CELF4: variants seen among roughly 807,000 people sequenced by gnomAD.
CELF4 encodes the protein CUGBP Elav-like family member 4.
A neutral mutation model predicts 59.9 loss-of-function variants in CELF4; 18 were observed. That is an observed-to-expected ratio of 0.30 (90% confidence interval 0.21 to 0.45). The LOEUF (loss-of-function observed/expected upper bound fraction) is 0.45, where lower values mean the gene tolerates loss of function less well. CELF4 is among the 20% of genes least tolerant of loss of function. The probability of loss-of-function intolerance (pLI) is 1.00; values close to 1 mark genes in which losing one functional copy is unlikely to be tolerated. For missense variants in CELF4, 456 were observed against 689.0 expected (o/e 0.66, Z 3.79); for synonymous variants, 261 against 267.1 (o/e 0.98, Z 0.22).
chr18:37,393,634 G>A (rs897670734), intron 2 of CELF4, among the ~76,000 whole-genome samples: 3 of 152,186 alleles, frequency 2.0e-5, no homozygotes, highest in African/African-American at 7.2e-5. Flanking sequence ...GGGGAGAGGA[G>A]GTGTGGGCTA....
In CELF4 at chr18:37,326,237, A is replaced by G. The variant is rs137955306; in HGVS notation, c.370-4356T>C. ...GGGAGAGCAGAGGGGTCAGGGGAAGAGCCAGGAGAGGAGGGAAGAGCCAGG... is the reference window on the plus strand; with the variant it reads ...GGGAGAGCAGAGGGGTCAGGGGAAGGGCCAGGAGAGGAGGGAAGAGCCAGG... On this transcript the variant is annotated intron_variant, in intron 2 of 12. Transcript: ENST00000420428. Among the ~76,000 whole-genome samples the G allele has an allele frequency of 3.8e-3, 584 of 152,314 alleles. 2 individuals carry two copies. Among genetic ancestry groups the G allele is most frequent in the South Asian group, 0.031 (151 of 4,828 alleles).
At chr18:37,493,365 G>A (rs904936514) in intron 1 of CELF4, among the ~76,000 whole-genome samples, 1 of 152,162 alleles carries the variant, frequency 6.6e-6, no homozygotes, top group Non-Finnish European at 1.5e-5. Context: ...AATCATACAC[G>A]TCTTTGCCTT....
intron 12 of CELF4, among the ~76,000 whole-genome samples, chr18:37,252,253 G>A (rs2065944158): frequency 2.6e-5 from 4 of 152,060 alleles, no homozygotes; most frequent in Admixed American, 2.6e-4. Flanking sequence ...CCAAAAGCCT[G>A]GGACTCATCC....
At chr18:37,318,388 C>T (rs117978231) in intron 3 of CELF4, among the ~76,000 whole-genome samples, 7,244 of 152,020 alleles carry the variant, frequency 0.048, 249 homozygotes, top group Non-Finnish European at 0.076. Flanking sequence ...CACCCCTCTC[C>T]CATTCCTTCT....
intron 1 of CELF4, among the ~76,000 whole-genome samples, chr18:37,530,639 C>T (rs2099968594): frequency 6.6e-6 from 1 of 152,090 alleles, no homozygotes; most frequent in African/African-American, 2.4e-5. Context: ...GTAGGGGTCA[C>T]ATTTGCTTTC....
At chr18:37,264,590 C>T in intron 10 of CELF4, 84 bp downstream of exon 10, 2 of 1,193,442 alleles carry the variant, frequency 1.7e-6, no homozygotes, top group East Asian at 2.6e-5. Context: ...TTCCAACGCA[C>T]ACCCCAGCCC....
rs1053681164 is a variant in CELF4, at chr18:37,379,442, A to G, written c.370-57561T>C. Among the ~76,000 whole-genome samples the G allele has an allele frequency of 2.4e-5, 3 of 127,082 alleles. No individual in the cohort carries two copies. The East Asian group carries it at 7.8e-4, about 33-fold the overall frequency. The allele number at this position is 127,082 out of a possible 152,430, so 83.4% of individuals were successfully genotyped here. A position where few individuals can be genotyped will look rare whatever the true frequency, so the allele number is the denominator to read the frequency against. ...CCTTTTGTAGGCTGGAGTTTACTGC[A>G]GTGTCTTTAAATTTAATCACCTTCA... On this transcript the variant is annotated intron_variant, in intron 2 of 12. Coordinates refer to ENST00000420428, the MANE Select transcript of CELF4 (RefSeq NM_020180.4).
At chr18:37,512,787 A>G (rs570842350) in intron 1 of CELF4, among the ~76,000 whole-genome samples, 1 of 146,150 alleles carries the variant, frequency 6.8e-6, no homozygotes, top group Non-Finnish European at 1.5e-5. Flanking sequence ...GTCCTTCTAT[A>G]CTTTCTCCTC....
intron 3 of CELF4, among the ~76,000 whole-genome samples, chr18:37,286,708 G>A (rs2094814773): frequency 6.6e-6 from 1 of 152,182 alleles, no homozygotes; most frequent in Non-Finnish European, 1.5e-5. Context: ...AACCCGGGAG[G>A]AGTCACACTG....
chr18:37,436,847 T>C (rs995027267), intron 2 of CELF4, among the ~76,000 whole-genome samples: 1 of 152,236 alleles, frequency 6.6e-6, no homozygotes, highest in Non-Finnish European at 1.5e-5. Flanking sequence ...GGAGCTTGTC[T>C]ATTCCCAGCA....
intron 2 of CELF4, among the ~76,000 whole-genome samples, chr18:37,471,442 C>T (rs77937801): frequency 0.043 from 6,609 of 152,204 alleles, 216 homozygotes; most frequent in Non-Finnish European, 0.066. Flanking sequence ...CATGCTAAGT[C>T]CCGTCCCCAA....
intron 2 of CELF4, among the ~76,000 whole-genome samples, chr18:37,444,617 T>TAC (rs61248144): frequency 0.037 from 4,935 of 134,210 alleles, 103 homozygotes; most frequent in African/African-American, 0.043. Context: ...CTAGCATGCA[T>TAC]ACACACACAC....
chr18:37,491,510 C>T (rs889413291), intron 1 of CELF4, among the ~76,000 whole-genome samples: 3 of 152,048 alleles, frequency 2.0e-5, no homozygotes, highest in East Asian at 3.9e-4. Context: ...TATGTCTATA[C>T]GGCTAAGTGG....
At chr18:37,341,501 A>C (rs1432089962) in intron 2 of CELF4, among the ~76,000 whole-genome samples, 3 of 152,226 alleles carry the variant, frequency 2.0e-5, no homozygotes, top group Non-Finnish European at 4.4e-5. Context: ...GGGGCATCCC[A>C]CTGGAAGGCA....
chr18:37,439,202 G>A (rs2099703623), intron 2 of CELF4, among the ~76,000 whole-genome samples: 1 of 152,174 alleles, frequency 6.6e-6, no homozygotes, highest in African/African-American at 2.4e-5. Flanking sequence ...GTTAGTACTG[G>A]AGTGAGGGTA....
At chr18:37,486,768 C>T (rs1232560876) in intron 1 of CELF4, among the ~76,000 whole-genome samples, 1 of 152,196 alleles carries the variant, frequency 6.6e-6, no homozygotes, top group African/African-American at 2.4e-5. Flanking sequence ...CTCACGTGAT[C>T]TTATCCAAGG....
chr18:37,410,616 C>T (rs529083460), intron 2 of CELF4, among the ~76,000 whole-genome samples: 50 of 152,374 alleles, frequency 3.3e-4, no homozygotes, highest in African/African-American at 1.1e-3. Context: ...GCCATCTACG[C>T]TTTTGGCGTG....
chr18:37,253,737 CGT>C lies in CELF4; in HGVS notation c.*44+28_*44+29del, dbSNP rs1429222559. On this transcript the variant is annotated intron_variant, in intron 12 of 12. Transcript: ENST00000420428. This position sits in a 1 kb window ranked among gnomAD's most constrained non-coding sequence, Gnocchi z 4.5. ...GTCCGTCTGGTTCCCTCCCAACCCCCGTCCCCGCGCCCCGGCCGCCCCCGGTT... is the reference window on the plus strand; with the variant it reads ...GTCCGTCTGGTTCCCTCCCAACCCCCCCCCGCGCCCCGGCCGCCCCCGGTT... 45 of 1,515,282 alleles carry C rather than the reference CGT, an allele frequency of 3.0e-5. No individual in the cohort carries two copies. Among genetic ancestry groups the C allele is most frequent in the Admixed American group, 3.7e-5 (2 of 54,200 alleles). The allele number at this position is 1,515,282 out of a possible 1,614,324, so 93.9% of individuals were successfully genotyped here.
chr18:37,315,910 C>T (rs548069271), intron 3 of CELF4, among the ~76,000 whole-genome samples: 3 of 152,318 alleles, frequency 2.0e-5, no homozygotes, highest in South Asian at 2.1e-4. Context: ...TGCCTGAGGC[C>T]ATGGTAGTCA....
Sources: allele counts gnomAD v4.1 joint callset (sites outside exome capture counted in the v4.1 genomes callset), GRCh38; gene constraint gnomAD v4.1.1; non-coding constraint Gnocchi (gnomAD v3.1); transcripts MANE v1.5; gene names NCBI Gene and HGNC (gene_info 2026-07-23, HGNC 2026-07-21).